Variants in PTRH2 observed in about 807,000 individuals in gnomAD.
PTRH2 encodes peptidyl-tRNA hydrolase 2, also known as peptidyl-tRNA hydrolase 2, mitochondrial.
Under a neutral mutation model 12.3 loss-of-function variants are expected in PTRH2, and 10 were observed. The observed-to-expected ratio is 0.81, with a 90% confidence interval of 0.50 to 1.38. PTRH2 has a LOEUF of 1.38. Ranked by LOEUF, PTRH2 falls within the 40% of genes most tolerant of loss-of-function variation. The pLI is 0.00. For missense variants in PTRH2, 176 were observed against 214.1 expected, an observed-to-expected ratio of 0.82 and a Z score of 1.11; for synonymous variants, 73 against 77.4, an observed-to-expected ratio of 0.94 and a Z score of 0.30.
chr17:59,698,111 T>C (rs989011684), intron 1 of PTRH2, 133 bp from the exon 2 acceptor site: 3 of 874,168 alleles, frequency 3.4e-6, no homozygotes, highest in East Asian at 2.7e-5. Context: ...TTTGATCTTA[T>C]GCCTGCACCC....
intron 1 of PTRH2, chr17:59,701,093 T>C (rs1249603995): frequency 6.6e-6 from 1 of 151,968 alleles, no homozygotes; most frequent in Non-Finnish European, 1.5e-5. Context: ...ACATACAAAC[T>C]AACCTCCATC....
At position 59,697,402 on chromosome 17, in the gene PTRH2, C is replaced by T; in HGVS notation, c.*37G>A. The T allele has an allele frequency of 1.3e-6, 2 of 1,559,430 alleles. No individual in the cohort carries two copies. Among genetic ancestry groups the T allele is most frequent in the Non-Finnish European group, 1.7e-6 (2 of 1,148,748 alleles). On this transcript the variant is annotated 3_prime_UTR_variant, in exon 2 of 2. Transcript: ENST00000393038. Reference sequence around the variant, plus strand: ...GTTAGAATCTGACAGGCTTCAAACACTTGTGATGGAGGGGTTGTTGTCATA... The same window carrying T: ...GTTAGAATCTGACAGGCTTCAAACATTTGTGATGGAGGGGTTGTTGTCATA...
Position 59,697,418 on chromosome 17 carries a change from T to G in PTRH2, c.*21A>C, listed in dbSNP as rs1296957770. 6.3e-7 allele frequency: 1 copy of G among 1,588,416 alleles called. No homozygotes were observed. Among genetic ancestry groups the G allele is most frequent in the Non-Finnish European group, 8.6e-7 (1 of 1,163,666 alleles). On this transcript the variant is annotated 3_prime_UTR_variant, in exon 2 of 2. Coordinates refer to ENST00000393038, the MANE Select transcript of PTRH2 (RefSeq NM_016077.5). ...CTTCAAACACTTGTGATGGAGGGGT[T>G]GTTGTCATATCAAAGTCCACCTAGT...
intron 1 of PTRH2, chr17:59,698,607 T>C (rs2033494930): frequency 2.4e-6 from 1 of 423,354 alleles, no homozygotes; most frequent in African/African-American, 2.0e-5. Context: ...AGTTTTACTA[T>C]GTACAGGTGC....
rs145040441 is a variant in PTRH2, at chr17:59,697,938, G to A, written c.41C>T (p.Pro14Leu). The change falls in exon 2 of 2, where the codon CCC becomes CTC. Residue 14 changes from proline (P) to leucine (L), a missense_variant. Transcript: ENST00000393038. ...TCCAACAGCCAAGCCGAGTGTACTG[G>A]GATGAGCCAAATATTCCATAACCAA... Reference protein sequence around the residue: ...KSLVMEYLAHPSTLGLAVGVA... With the variant: ...KSLVMEYLAHLSTLGLAVGVA... The A allele has an allele frequency of 1.6e-5, 26 of 1,613,658 alleles. No individual in the cohort carries two copies. In the African/African-American group the frequency reaches 3.1e-4, roughly 19 times the overall value.
intron 1 of PTRH2, chr17:59,698,746 CACTT>C: frequency 1.6e-6 from 1 of 636,176 alleles, no homozygotes; most frequent in Non-Finnish European, 2.8e-6. Flanking sequence ...GTGCTCAGAA[CACTT>C]ACATTAGCCT....
intron 1 of PTRH2, chr17:59,698,310 AC>A (rs2033487369): frequency 3.2e-6 from 1 of 314,850 alleles, no homozygotes; most frequent in Non-Finnish European, 5.9e-6. Flanking sequence ...ATTTAAAGAA[AC>A]CAAAAATAAC....
At chr17:59,705,562 G>C (rs1001555450) in intron 1 of PTRH2, among the ~76,000 whole-genome samples, 1 of 152,096 alleles carries the variant, frequency 6.6e-6, no homozygotes, top group Non-Finnish European at 1.5e-5. Context: ...TGGGACTACA[G>C]GTGCATGCCA....
At chr17:59,700,793 GA>G (rs1171795185) in intron 1 of PTRH2, 1 of 152,170 alleles carries the variant, frequency 6.6e-6, no homozygotes, top group Non-Finnish European at 1.5e-5. Context: ...TGTGGTTTTG[GA>G]AAGGAAAAGG....
At position 59,697,615 on chromosome 17, in the gene PTRH2, C is replaced by A; in HGVS notation, c.364G>T (p.Asp122Tyr). The change falls in exon 2 of 2, where the codon GAT becomes TAT. Residue 122 changes from aspartate (D) to tyrosine (Y), a missense_variant. Asp to Tyr is a radical substitution (Grantham distance 160). Transcript: ENST00000393038. ...AATAATGCAATCAGGGTTTCTTCAT[C>A]AGGAGCTTTGACCACCACCTTGGGC... ...GQPKVVVKAP[D>Y]EETLIALLAH... is the part of the protein sequence containing the mutation. 6.2e-7 allele frequency: 1 copy of A among 1,614,214 alleles called. No homozygotes were observed. Among genetic ancestry groups the A allele is most frequent in the Non-Finnish European group, 8.5e-7 (1 of 1,180,034 alleles).
chr17:59,706,705 A>C, intron 1 of PTRH2, among the ~76,000 whole-genome samples: 1 of 145,666 alleles, frequency 6.9e-6, no homozygotes, highest in Non-Finnish European at 1.5e-5. Context: ...ACGAAGTCTC[A>C]CTCTGTCGCC....
chr17:59,704,530 A>G (rs758544481), intron 1 of PTRH2, among the ~76,000 whole-genome samples: 23 of 152,212 alleles, frequency 1.5e-4, no homozygotes, highest in Admixed American at 3.3e-4. Context: ...GAGATGGAAG[A>G]GTATGAGGCC....
At chr17:59,701,754 A>G (rs940378131) in intron 1 of PTRH2, among the ~76,000 whole-genome samples, 3 of 151,880 alleles carry the variant, frequency 2.0e-5, no homozygotes, top group African/African-American at 7.3e-5. Flanking sequence ...CGCCCAGGCT[A>G]GCATGCAGTG....
chr17:59,706,988 T>C (rs982865265), intron 1 of PTRH2, among the ~76,000 whole-genome samples: 18 of 152,282 alleles, frequency 1.2e-4, no homozygotes, highest in Admixed American at 5.2e-4. Flanking sequence ...TTTTCGACTA[T>C]ATTCTTAGAA....
intron 1 of PTRH2, among the ~76,000 whole-genome samples, chr17:59,704,915 G>A (rs1187492569): frequency 3.9e-5 from 6 of 151,936 alleles, no homozygotes; most frequent in African/African-American, 9.7e-5. Context: ...AGCCTCCCAC[G>A]TACATGGGAT....
At chr17:59,706,666 T>C (rs1197408680) in intron 1 of PTRH2, among the ~76,000 whole-genome samples, 1 of 91,894 alleles carries the variant, frequency 1.1e-5, no homozygotes, top group East Asian at 3.6e-4. Context: ...GGGGGGAAAT[T>C]TTTTCTTTCT....
Position 59,703,047 on chromosome 17 carries a change from C to T in PTRH2, c.-1+4324G>A, listed in dbSNP as rs144744354. The stretch of plus-strand genomic sequence containing the variant: ...TCCTTTTCTAAGAGACAGGGTTTCA[C>T]TCTTTTGTCCAGGCTGGAATACAGT... On this transcript the variant is annotated intron_variant, in intron 1 of 1. Transcript: ENST00000393038. Among the ~76,000 whole-genome samples, 588 of 152,188 alleles carry T rather than the reference C, an allele frequency of 3.9e-3. 6 individuals are homozygous for T. The highest frequency in any genetic ancestry group is 0.014 in the African/African-American group (561 of 41,518).
chr17:59,700,421 TTGTAA>T (rs2033534528), intron 1 of PTRH2: 1 of 152,222 alleles, frequency 6.6e-6, no homozygotes, highest in South Asian at 2.1e-4. Flanking sequence ...TGCACTGTAT[TTGTAA>T]TGTAAAGTGG....
chr17:59,700,552 C>T (rs913979475), intron 1 of PTRH2: 4 of 152,090 alleles, frequency 2.6e-5, no homozygotes, highest in Admixed American at 2.0e-4. Flanking sequence ...AACATTCTTT[C>T]CACTAATTTT....
Sources: gnomAD v4.1 joint callset for allele counts (sites outside exome capture counted in the v4.1 genomes callset) on GRCh38, gnomAD v4.1.1 for gene constraint, MANE v1.5 for transcripts, NCBI Gene and HGNC (gene_info 2026-07-23, HGNC 2026-07-21) for gene names.